LINGO2: variants seen among roughly 807,000 people sequenced by gnomAD.
LINGO2 encodes the protein leucine-rich repeat and immunoglobulin-like domain-containing nogo receptor-interacting protein 2.
Under a neutral mutation model 30.6 loss-of-function variants are expected in LINGO2, and 14 were observed. The ratio of observed to expected loss-of-function variants is 0.46; its 90% CI spans 0.30 to 0.72. The LOEUF is 0.72. Ranked by LOEUF, LINGO2 falls within the 30% of genes least tolerant of loss-of-function variation. LINGO2 has a pLI of 0.07. For missense variants in LINGO2, 729 were observed against 751.7 expected, an observed-to-expected ratio of 0.97 and a Z score of 0.35; for synonymous variants, 317 against 288.5, an observed-to-expected ratio of 1.10 and a Z score of -1.00.
intron 4 of LINGO2, among the ~76,000 whole-genome samples, chr9:28,152,526 A>G (rs1828029589): frequency 6.6e-6 from 1 of 152,176 alleles, no homozygotes; most frequent in South Asian, 2.1e-4. Context: ...CACAAACAGG[A>G]TAAGCCCAAG....
intron 4 of LINGO2, among the ~76,000 whole-genome samples, chr9:28,180,077 A>G (rs769536899): frequency 3.3e-5 from 5 of 152,108 alleles, no homozygotes; most frequent in African/African-American, 4.8e-5. Context: ...GCCACTCAAT[A>G]TATGACCTGG....
At chr9:28,635,818 T>C (rs1827235829) in intron 1 of LINGO2, among the ~76,000 whole-genome samples, 1 of 152,152 alleles carries the variant, frequency 6.6e-6, no homozygotes, top group Non-Finnish European at 1.5e-5. Flanking sequence ...GGTTTTTTGT[T>C]TGTCTGTTTG....
chr9:28,376,190 G>A (rs572606606), intron 2 of LINGO2, among the ~76,000 whole-genome samples: 37 of 151,770 alleles, frequency 2.4e-4, no homozygotes, highest in African/African-American at 8.0e-4. Context: ...TACCCCATAA[G>A]GTAGGCCACA....
chr9:29,114,619 T>C, the LINGO2 span, among the ~76,000 whole-genome samples: 1 of 145,500 alleles, frequency 6.9e-6, no homozygotes. Context: ...GTTCTCATTG[T>C]TCAATTCCCA....
intron 2 of LINGO2, among the ~76,000 whole-genome samples, chr9:28,425,392 C>T (rs991993338): frequency 2.0e-5 from 3 of 150,854 alleles, no homozygotes; most frequent in Non-Finnish European, 2.9e-5. Flanking sequence ...CACACATAAG[C>T]TCTAAGAGGT....
chr9:28,381,371 C>T (rs1244917756), intron 2 of LINGO2, among the ~76,000 whole-genome samples: 1 of 152,154 alleles, frequency 6.6e-6, no homozygotes, highest in East Asian at 1.9e-4. Context: ...TGGTGAGTTT[C>T]AGGCTGTTAA....
chr9:29,090,969 A>C, the LINGO2 span, among the ~76,000 whole-genome samples: 1 of 152,078 alleles, frequency 6.6e-6, no homozygotes, highest in South Asian at 2.1e-4. Flanking sequence ...TAATTCCTAC[A>C]TGCACAGTTA....
intron 2 of LINGO2, among the ~76,000 whole-genome samples, chr9:28,462,086 T>C (rs2135125154): frequency 6.6e-6 from 1 of 152,248 alleles, no homozygotes; most frequent in East Asian, 1.9e-4. Context: ...CTATTCTTTA[T>C]CTTTATCTTT....
the LINGO2 span, among the ~76,000 whole-genome samples, chr9:28,907,322 T>C: frequency 5.9e-5 from 9 of 151,910 alleles, no homozygotes; most frequent in African/African-American, 2.2e-4. Flanking sequence ...TGGCTAAGCA[T>C]AGTAACAGTA....
intron 1 of LINGO2, among the ~76,000 whole-genome samples, chr9:28,542,330 T>C (rs1821736962): frequency 6.6e-6 from 1 of 151,900 alleles, no homozygotes; most frequent in South Asian, 2.1e-4. Context: ...CAGCTGGACA[T>C]CAAGGTCTTC....
the LINGO2 span, among the ~76,000 whole-genome samples, chr9:28,977,686 T>C: frequency 6.6e-6 from 1 of 152,164 alleles, no homozygotes; most frequent in African/African-American, 2.4e-5. Flanking sequence ...TAAAATGGCA[T>C]TGTAAGATCC....
intron 1 of LINGO2, among the ~76,000 whole-genome samples, chr9:28,568,208 C>A (rs560270735): frequency 1.3e-5 from 2 of 152,108 alleles, no homozygotes; most frequent in South Asian, 4.2e-4. Flanking sequence ...GCAAAAAAAT[C>A]TGAAAACAGA....
chr9:28,565,063 T>A (rs34448365), intron 1 of LINGO2, among the ~76,000 whole-genome samples: 33,532 of 151,950 alleles, frequency 0.22, 3,981 homozygotes, highest in East Asian at 0.31. Flanking sequence ...TGTAGGCTAC[T>A]TTTCATATTT....
At chr9:29,207,391 TA>T in the LINGO2 span, among the ~76,000 whole-genome samples, 126 of 152,156 alleles carry the variant, frequency 8.3e-4, no homozygotes, top group South Asian at 8.9e-3. Context: ...ATCTTGCAGC[TA>T]ACCATAGTTA....
intron 1 of LINGO2, among the ~76,000 whole-genome samples, chr9:28,660,304 G>A (rs1828540004): frequency 6.6e-6 from 1 of 151,898 alleles, no homozygotes. Context: ...AAACATGAAT[G>A]AGAATAATTA....
At chr9:27,957,924 C>T (rs968266849) in intron 5 of LINGO2, among the ~76,000 whole-genome samples, 5 of 152,132 alleles carry the variant, frequency 3.3e-5, no homozygotes, top group Non-Finnish European at 7.4e-5. Flanking sequence ...CAGTTTCATT[C>T]TTTCCTTTCT....
chr9:28,102,901 T>G (rs1826460858), intron 4 of LINGO2, among the ~76,000 whole-genome samples: 1 of 152,142 alleles, frequency 6.6e-6, no homozygotes, highest in Non-Finnish European at 1.5e-5. Context: ...GCTTTGGAAA[T>G]GGAAGAGCTG....
chr9:28,753,479 C>T, the LINGO2 span, among the ~76,000 whole-genome samples: 1 of 151,980 alleles, frequency 6.6e-6, no homozygotes, highest in South Asian at 2.1e-4. Flanking sequence ...AAGATTGTAT[C>T]CTAAATCAGA....
At chr9:28,817,785 A>G in the LINGO2 span, among the ~76,000 whole-genome samples, 6 of 152,210 alleles carry the variant, frequency 3.9e-5, no homozygotes, top group Non-Finnish European at 8.8e-5. Flanking sequence ...GGGAAGATGA[A>G]AAAGCCTTAT....
Sources: allele counts gnomAD v4.1 joint callset (sites outside exome capture counted in the v4.1 genomes callset), GRCh38; gene constraint gnomAD v4.1.1; transcripts MANE v1.5; gene names NCBI Gene and HGNC (gene_info 2026-07-23, HGNC 2026-07-21).